The following EFL1 variants were observed in gnomAD, a reference collection of about 807,000 sequenced individuals.
EFL1 encodes elongation factor-like GTPase 1.
In EFL1, 76 loss-of-function variants were observed where a neutral mutation model predicts 126.7. The observed-to-expected ratio is 0.60, with a 90% CI of 0.50 to 0.73. The LOEUF (loss-of-function observed/expected upper bound fraction) is 0.73, where lower values mean the gene tolerates loss of function less well. EFL1 is among the 30% of genes least tolerant of loss of function. The probability of loss-of-function intolerance (pLI) is 0.00; values close to 1 mark genes in which losing one functional copy is unlikely to be tolerated. For missense variants in EFL1, 1,128 were observed against 1,343.2 expected (o/e 0.84, Z 2.50); for synonymous variants, 410 against 448.4 (o/e 0.91, Z 1.08).
chr15:82,207,267 T>C (rs1401772655), intron 15 of EFL1, among the ~76,000 whole-genome samples: 1 of 142,786 alleles, frequency 7.0e-6, no homozygotes, highest in Non-Finnish European at 1.5e-5. Flanking sequence ...AGGTAACATA[T>C]ATATATATTT....
chr15:82,140,461 C>A (rs965324377), intron 18 of EFL1, among the ~76,000 whole-genome samples: 2 of 152,186 alleles, frequency 1.3e-5, no homozygotes, highest in African/African-American at 4.8e-5. Context: ...GACCATCATT[C>A]TCTTTATTTC....
chr15:82,157,550 A>T, intron 17 of EFL1, 163 bp downstream of exon 17: 1 of 822,616 alleles, frequency 1.2e-6, no homozygotes, highest in Non-Finnish European at 1.7e-6. Flanking sequence ...TTCAGTTATT[A>T]AAAAATAAGT....
chr15:82,161,417 G>A (rs1453686210), intron 16 of EFL1, among the ~76,000 whole-genome samples: 1 of 152,176 alleles, frequency 6.6e-6, no homozygotes, highest in Non-Finnish European at 1.5e-5. Context: ...AAAGCTCATA[G>A]GAACAAGGAA....
At chr15:82,230,669 G>C (rs1402459227) in intron 8 of EFL1, among the ~76,000 whole-genome samples, 179 bp downstream of exon 8, 5 of 152,132 alleles carry the variant, frequency 3.3e-5, no homozygotes, top group Non-Finnish European at 7.4e-5. Context: ...TAAGAATTCT[G>C]TATGAATAAT....
rs71156029 is a variant in EFL1, at chr15:82,185,169, CTGTGTGTGTGTGTGTGTGTG to C, written c.1751-21205_1751-21186del. On this transcript the variant is annotated intron_variant, in intron 15 of 19. Coordinates refer to ENST00000268206, the MANE Select transcript of EFL1 (RefSeq NM_024580.6). ...ATCCTTAGGAATGTTTCATGTGTGG[CTGTGTGTGTGTGTGTGTGTG>C]TGTGTGTGTGTGTGTGTGTGTGTGT... Among the ~76,000 whole-genome samples the C allele has an allele frequency of 3.9e-4, 54 of 139,988 alleles. No homozygotes were observed. The East Asian group carries it at 6.9e-3, about 18-fold the overall frequency. The allele number at this position is 139,988 out of a possible 152,430, so 91.8% of individuals were successfully genotyped here.
intron 7 of EFL1, among the ~76,000 whole-genome samples, chr15:82,235,767 T>C (rs2074866476): frequency 6.6e-6 from 1 of 152,150 alleles, no homozygotes; most frequent in South Asian, 2.1e-4. Flanking sequence ...GGCTTAATGC[T>C]TTCCTCCTAA....
At chr15:82,170,116 T>C (rs1432408396) in intron 15 of EFL1, among the ~76,000 whole-genome samples, 2 of 134,450 alleles carry the variant, frequency 1.5e-5, no homozygotes, top group African/African-American at 2.8e-5. Flanking sequence ...CTTTTTTTTT[T>C]TTTTTTTTTT....
intron 15 of EFL1, among the ~76,000 whole-genome samples, chr15:82,209,981 C>A (rs558434081): frequency 1.3e-5 from 2 of 152,184 alleles, no homozygotes; most frequent in African/African-American, 2.4e-5. Flanking sequence ...GACTCCGTAT[C>A]ATTTATGATG....
chr15:82,210,577 TGGGGCCAGGTGCAGTGG>T, intron 15 of EFL1, among the ~76,000 whole-genome samples: 1 of 151,944 alleles, frequency 6.6e-6, no homozygotes, highest in South Asian at 2.1e-4. Flanking sequence ...AGACACCACG[TGGGGCCAGGTGCAGTGG>T]CTCATGCCTG....
At chr15:82,261,902 A>C in intron 1 of EFL1, 105 bp from the exon 2 acceptor site, 1 of 776,288 alleles carries the variant, frequency 1.3e-6, no homozygotes, top group South Asian at 1.8e-5. Flanking sequence ...CAAACCCCTT[A>C]AACCAAGAAC....
intron 15 of EFL1, among the ~76,000 whole-genome samples, chr15:82,205,166 T>C (rs912971140): frequency 6.6e-6 from 1 of 152,224 alleles, no homozygotes; most frequent in African/African-American, 2.4e-5. Flanking sequence ...CCCCAAATCA[T>C]GAATAGCCTA....
chr15:82,184,948 T>C (rs1183745777), intron 15 of EFL1, among the ~76,000 whole-genome samples: 1 of 152,224 alleles, frequency 6.6e-6, no homozygotes, highest in African/African-American at 2.4e-5. Context: ...GTCCATTGTT[T>C]AGCTAATAAA....
chr15:82,244,246 C>T (rs1314826792), intron 4 of EFL1, among the ~76,000 whole-genome samples: 2 of 152,126 alleles, frequency 1.3e-5, no homozygotes, highest in East Asian at 3.8e-4. Flanking sequence ...GCTGTGACTT[C>T]AGCCACATTA....
intron 15 of EFL1, among the ~76,000 whole-genome samples, chr15:82,185,397 G>C (rs889694660): frequency 1.2e-4 from 18 of 151,612 alleles, no homozygotes; most frequent in African/African-American, 3.9e-4. Flanking sequence ...AAATGAAAAA[G>C]TAAAAAAGAA....
intron 19 of EFL1, among the ~76,000 whole-genome samples, chr15:82,132,640 T>C (rs2073665649): frequency 8.7e-6 from 1 of 114,688 alleles, no homozygotes; most frequent in Non-Finnish European, 1.6e-5. Context: ...CAGTTAGAGG[T>C]TGGGCAACAA....
At chr15:82,185,637 T>G (rs188336785) in intron 15 of EFL1, among the ~76,000 whole-genome samples, 8 of 152,070 alleles carry the variant, frequency 5.3e-5, no homozygotes, top group Admixed American at 2.0e-4. Context: ...AATACCACAA[T>G]TTAAAAACAC....
chr15:82,193,190 G>A (rs1312902278), intron 15 of EFL1, among the ~76,000 whole-genome samples: 1 of 152,074 alleles, frequency 6.6e-6, no homozygotes, highest in Non-Finnish European at 1.5e-5. Flanking sequence ...TTTTGCTATA[G>A]TTTGTGACTA....
At chr15:82,183,323 G>C (rs1567054138) in intron 15 of EFL1, among the ~76,000 whole-genome samples, 2 of 152,178 alleles carry the variant, frequency 1.3e-5, no homozygotes, top group Non-Finnish European at 2.9e-5. Context: ...AAACACATGA[G>C]ATAAAAATAA....
Position 82,130,476 on chromosome 15 carries a change from G to A in EFL1, c.3260C>T (p.Ala1087Val). 1 of 1,614,094 alleles carries A rather than the reference G, an allele frequency of 6.2e-7. No individual in the cohort carries two copies. The highest frequency in any genetic ancestry group is 8.5e-7 in the Non-Finnish European group (1 of 1,180,026). ...TCGTACTGCGTTCATGTACTTCCGG[G>A]CTTGGTTCTCAGAGTCAGCCTTCTC... is the stretch of plus-strand genomic sequence containing the variant. ...FGEKADSENQ[A>V]RKYMNAVRKR... Residue 1087 changes from alanine (A) to valine (V), a missense_variant, in exon 20 of 20, where the codon GCC (alanine) becomes GTC (valine). Around this residue, in one of 6 missense-constraint regions of EFL1, gnomAD observed 561 missense variants for 641.7 expected, o/e 0.87. Transcript: ENST00000268206.
Sources: gnomAD v4.1 joint callset for allele counts (sites outside exome capture counted in the v4.1 genomes callset) on GRCh38, gnomAD v4.1.1 for gene constraint, gnomAD v4.1.1 regional missense constraint, MANE v1.5 for transcripts, NCBI Gene and HGNC (gene_info 2026-07-23, HGNC 2026-07-21) for gene names.